Variants in MTA3 observed in about 807,000 individuals in gnomAD.
The protein encoded by MTA3 is metastasis associated 1 family member 3, also known as metastasis-associated protein MTA3.
A neutral mutation model predicts 83.5 loss-of-function variants in MTA3; 34 were observed. That is an observed-to-expected ratio of 0.41 (90% CI 0.31 to 0.54). MTA3 has a LOEUF of 0.54. Among genes scored for constraint, MTA3 ranks in the 20% least tolerant of loss-of-function variants. MTA3 has a pLI of 0.33. For missense variants in MTA3, 761 were observed against 726.4 expected (o/e 1.05, Z -0.55); for synonymous variants, 303 against 252.7 (o/e 1.20, Z -1.89).
chr2:42,728,211 G>C (rs1162360285), intron 16 of MTA3, among the ~76,000 whole-genome samples: 1 of 151,988 alleles, frequency 6.6e-6, no homozygotes, highest in African/African-American at 2.4e-5. Flanking sequence ...TCTGTTCATG[G>C]CTTATTTCAC....
chr2:42,529,916 G>A (rs1012073594), intron 2 of MTA3, among the ~76,000 whole-genome samples: 1 of 152,154 alleles, frequency 6.6e-6, no homozygotes, highest in Admixed American at 6.6e-5. Flanking sequence ...GGACAGGCGC[G>A]GTGGCTCACG....
chr2:42,532,647 G>C (rs1676031615), intron 2 of MTA3: 1 of 159,984 alleles, frequency 6.3e-6, no homozygotes, highest in African/African-American at 2.4e-5. Flanking sequence ...CAATAAATTA[G>C]TACACAATTA....
chr2:42,589,199 AG>A (rs1301941434), intron 3 of MTA3, among the ~76,000 whole-genome samples: 2 of 152,202 alleles, frequency 1.3e-5, no homozygotes, highest in African/African-American at 4.8e-5. Flanking sequence ...GGTTTGGGAA[AG>A]TTGAAGTAAT....
intron 7 of MTA3, among the ~76,000 whole-genome samples, chr2:42,658,418 CTG>C (rs1320545317): frequency 6.6e-6 from 1 of 152,176 alleles, no homozygotes; most frequent in Non-Finnish European, 1.5e-5. Flanking sequence ...CATGGAATGT[CTG>C]TCAGCAGTAG....
At chr2:42,581,329 G>A (rs796506646) in intron 3 of MTA3, among the ~76,000 whole-genome samples, 32 of 150,714 alleles carry the variant, frequency 2.1e-4, no homozygotes, top group African/African-American at 7.8e-4. Flanking sequence ...TCGGATTACA[G>A]GTGTGAGTCA....
upstream of MTA3, among the ~76,000 whole-genome samples, chr2:42,566,765 TG>T (rs919142611): frequency 2.6e-5 from 4 of 152,202 alleles, no homozygotes; most frequent in African/African-American, 9.7e-5. Flanking sequence ...GAAAAATTAA[TG>T]GGAAAACATC....
chr2:42,742,558 C>G (rs541180845), intron 16 of MTA3, among the ~76,000 whole-genome samples: 89 of 152,028 alleles, frequency 5.9e-4, no homozygotes, highest in African/African-American at 1.9e-3. Flanking sequence ...GGCATAGGAG[C>G]TATATTATTA....
intron 16 of MTA3, among the ~76,000 whole-genome samples, chr2:42,747,838 A>G (rs946130151): frequency 6.6e-6 from 1 of 151,944 alleles, no homozygotes; most frequent in Non-Finnish European, 1.5e-5. Flanking sequence ...TATACAATTT[A>G]ATAAGTTTTG....
intron 3 of MTA3, among the ~76,000 whole-genome samples, chr2:42,603,982 C>A (rs913375239): frequency 6.6e-6 from 1 of 152,212 alleles, no homozygotes; most frequent in Non-Finnish European, 1.5e-5. Context: ...ATCTCCTGAC[C>A]TTGTGATCCG....
intron 2 of MTA3, among the ~76,000 whole-genome samples, chr2:42,534,675 A>AT (rs1430420752): frequency 1.3e-5 from 2 of 152,192 alleles, no homozygotes; most frequent in African/African-American, 4.8e-5. Flanking sequence ...TCAGAACTTT[A>AT]TTTCTCTCCT....
intron 3 of MTA3, among the ~76,000 whole-genome samples, chr2:42,590,165 C>T (rs1387088578): frequency 1.3e-5 from 2 of 152,116 alleles, no homozygotes; most frequent in Non-Finnish European, 2.9e-5. Context: ...AGCCCTTTTC[C>T]TGCGTGCTGT....
intron 4 of MTA3, among the ~76,000 whole-genome samples, chr2:42,638,088 T>C (rs1442645843): frequency 6.6e-6 from 1 of 152,158 alleles, no homozygotes; most frequent in Non-Finnish European, 1.5e-5. Context: ...CAGGTTTTAC[T>C]CCTCCCCATT....
chr2:42,672,409 G>C (rs1251138774), intron 8 of MTA3, among the ~76,000 whole-genome samples: 4 of 151,472 alleles, frequency 2.6e-5, no homozygotes. Flanking sequence ...CTGGGAGGCC[G>C]AGGCGGGTGG....
chr2:42,670,245 G>A (rs1690673854), intron 8 of MTA3, among the ~76,000 whole-genome samples: 1 of 150,404 alleles, frequency 6.6e-6, no homozygotes, highest in Non-Finnish European at 1.5e-5. Flanking sequence ...GGCAACAAGA[G>A]CTTAACTCCG....
At chr2:42,589,655 C>T (rs1271433755) in intron 3 of MTA3, among the ~76,000 whole-genome samples, 3 of 152,086 alleles carry the variant, frequency 2.0e-5, no homozygotes, top group South Asian at 2.1e-4. Flanking sequence ...CAGGTTCAAG[C>T]GATTCTCCTG....
chr2:42,532,906 AT>A, intron 2 of MTA3: 12 of 296,528 alleles, frequency 4.0e-5, no homozygotes, highest in East Asian at 9.1e-5. Flanking sequence ...TTTCCTGACC[AT>A]TTTCCTTCAC....
At chr2:42,701,508 T>G (rs1573677006) in intron 11 of MTA3, among the ~76,000 whole-genome samples, 1 of 143,864 alleles carries the variant, frequency 7.0e-6, no homozygotes, top group African/African-American at 2.6e-5. Flanking sequence ...GAGGTGGGAG[T>G]ATCACCTGAG....
At chr2:42,739,573 A>G (rs1056916438) in intron 16 of MTA3, among the ~76,000 whole-genome samples, 3 of 152,118 alleles carry the variant, frequency 2.0e-5, no homozygotes, top group Non-Finnish European at 4.4e-5. Flanking sequence ...AGCTTAGGGT[A>G]GCTGTGACAG....
At chr2:42,547,911 TTGTC>T (rs1676832468) in intron 2 of MTA3, among the ~76,000 whole-genome samples, 1 of 151,338 alleles carries the variant, frequency 6.6e-6, no homozygotes, top group South Asian at 2.1e-4. Context: ...GTTTTCAATC[TTGTC>T]TATCTATTAA....
Sources: allele counts gnomAD v4.1 joint callset (sites outside exome capture counted in the v4.1 genomes callset), GRCh38; gene constraint gnomAD v4.1.1; transcripts MANE v1.5; gene names NCBI Gene and HGNC (gene_info 2026-07-23, HGNC 2026-07-21).